C10orf90: variants seen among roughly 807,000 people sequenced by gnomAD.
The protein encoded by C10orf90 is chromosome 10 open reading frame 90, also known as (E2-independent) E3 ubiquitin-conjugating enzyme FATS.
C10orf90 carries 56 observed loss-of-function variants against 62.5 expected under a neutral mutation model. That is an observed-to-expected ratio of 0.90 (90% CI 0.72 to 1.12). C10orf90 has a LOEUF of 1.12. Ranked by LOEUF, C10orf90 falls within the 50% of genes most tolerant of loss-of-function variation. The probability of loss-of-function intolerance (pLI) is 0.00; values close to 1 mark genes in which losing one functional copy is unlikely to be tolerated. For synonymous variants in C10orf90, 386 were observed against 340.4 expected, an observed-to-expected ratio of 1.13 and a Z score of -1.47; for missense variants, 970 against 880.4, an observed-to-expected ratio of 1.10 and a Z score of -1.29.
intron 2 of C10orf90, among the ~76,000 whole-genome samples, chr10:126,525,122 G>C (rs954672060): frequency 1.3e-5 from 2 of 152,242 alleles, no homozygotes; most frequent in African/African-American, 4.8e-5. Context: ...TACCAGACCC[G>C]TTAGTCAGGC....
At chr10:126,510,376 G>A (rs1863029729) in intron 3 of C10orf90, among the ~76,000 whole-genome samples, 1 of 152,346 alleles carries the variant, frequency 6.6e-6, no homozygotes, top group South Asian at 2.1e-4. Flanking sequence ...TCTCTAGAAA[G>A]TAATTACATC....
intron 2 of C10orf90, among the ~76,000 whole-genome samples, chr10:126,526,609 A>G (rs1253860434): frequency 6.6e-6 from 1 of 152,046 alleles, no homozygotes; most frequent in Non-Finnish European, 1.5e-5. Context: ...TACCCTTTTA[A>G]AGTGCACAAT....
At chr10:126,606,964 C>G (rs1845326188) in intron 2 of C10orf90, among the ~76,000 whole-genome samples, 1 of 152,184 alleles carries the variant, frequency 6.6e-6, no homozygotes, top group African/African-American at 2.4e-5. Flanking sequence ...TCTCTTAAAA[C>G]TGTCATTCTC....
intron 3 of C10orf90, among the ~76,000 whole-genome samples, chr10:126,509,568 T>C (rs1344471417): frequency 4.6e-5 from 7 of 152,362 alleles, no homozygotes; most frequent in South Asian, 2.1e-4. Context: ...TGCAATTCTG[T>C]TATTCATACA....
intron 2 of C10orf90, among the ~76,000 whole-genome samples, chr10:126,586,799 T>C (rs1381519932): frequency 6.6e-6 from 1 of 152,070 alleles, no homozygotes; most frequent in African/African-American, 2.4e-5. Flanking sequence ...CAAAATATGT[T>C]GCGTTATCCT....
intron 2 of C10orf90, among the ~76,000 whole-genome samples, chr10:126,637,292 G>T (rs1845970525): frequency 6.6e-6 from 1 of 152,112 alleles, no homozygotes; most frequent in African/African-American, 2.4e-5. Context: ...AAGTCCTATT[G>T]ATGTCTGCCT....
chr10:126,565,435 TATAC>T (rs1322584945), intron 2 of C10orf90, among the ~76,000 whole-genome samples: 1,117 of 12,354 alleles, frequency 0.09, 37 homozygotes, highest in Non-Finnish European at 0.21. Context: ...TTATATATAT[TATAC>T]ACACACACAC....
chr10:126,469,485 A>C (rs1043442149), intron 4 of C10orf90, among the ~76,000 whole-genome samples: 2 of 152,150 alleles, frequency 1.3e-5, no homozygotes, highest in African/African-American at 4.8e-5. Flanking sequence ...CTGGGCGGTG[A>C]CGTTTTCTCC....
intron 2 of C10orf90, among the ~76,000 whole-genome samples, chr10:126,627,127 G>A (rs1377001674): frequency 1.3e-5 from 2 of 150,742 alleles, no homozygotes; most frequent in African/African-American, 4.9e-5. Flanking sequence ...AGCCTCCCAG[G>A]TAGCTGGGAT....
rs71032506 is a variant in C10orf90 at position 126,555,680 on chromosome 10, GTAAATAAA to G, written c.314-41749_314-41742del. ...GGCAACAGAGGGAGACTCTATCTCAGTAAATAAATAAATAAATAAATAAATAAATAAAT... is the reference window on the plus strand; with the variant it reads ...GGCAACAGAGGGAGACTCTATCTCAGTAAATAAATAAATAAATAAATAAAT... On this transcript the variant is annotated intron_variant, in intron 2 of 9. Transcript: ENST00000488181. Among the ~76,000 whole-genome samples, 1,182 of 136,460 alleles carry G rather than the reference GTAAATAAA, an allele frequency of 8.7e-3. 14 individuals are homozygous for G. The highest frequency in any genetic ancestry group is 0.037 in the East Asian group (171 of 4,654). 89.5% of individuals were successfully genotyped at this position (136,460 alleles called of 152,430 possible). A position where few individuals can be genotyped will look rare whatever the true frequency, so the allele number is the denominator to read the frequency against.
chr10:126,649,071 TC>T (rs1163113188), intron 1 of C10orf90, among the ~76,000 whole-genome samples: 42 of 40,790 alleles, frequency 1.0e-3, no homozygotes, highest in East Asian at 1.9e-3. Context: ...TCTCTCTCTC[TC>T]CCCCCCCCCC....
chr10:126,504,069 T>C lies in C10orf90; in HGVS notation c.1422A>G (p.Gly474=), dbSNP rs767797626. The C allele has an allele frequency of 3.7e-6, 6 of 1,614,100 alleles. No homozygotes were observed. The highest frequency in any genetic ancestry group is 5.1e-6 in the Non-Finnish European group (6 of 1,180,026). ...PLENTELANV[G]ANQVTVRKGE... ...CTTTTCTTACAGTGACTTGGTTAGC[T>C]CCCACATTTGCCAATTCTGTGTTTT... is the stretch of plus-strand genomic sequence containing the variant. Residue 474 remains glycine, a synonymous_variant, in exon 4 of 10, where the codon GGA becomes GGG. Transcript: ENST00000488181. This position sits in a 1 kb window ranked among gnomAD's most constrained non-coding sequence, Gnocchi z 4.1.
chr10:126,606,581 C>A (rs1354996165), intron 2 of C10orf90, among the ~76,000 whole-genome samples: 1 of 152,140 alleles, frequency 6.6e-6, no homozygotes, highest in Admixed American at 6.6e-5. Flanking sequence ...AAGGTACAGG[C>A]ATTCCATCTG....
intron 2 of C10orf90, among the ~76,000 whole-genome samples, chr10:126,598,395 C>T (rs987243541): frequency 2.6e-5 from 4 of 152,080 alleles, no homozygotes; most frequent in Admixed American, 2.0e-4. Context: ...ATCCTCTTGA[C>T]ATCTTTTTTT....
intron 2 of C10orf90, among the ~76,000 whole-genome samples, chr10:126,607,762 T>C (rs1359910599): frequency 6.6e-6 from 1 of 152,220 alleles, no homozygotes; most frequent in Non-Finnish European, 1.5e-5. Flanking sequence ...CCATCCAAAG[T>C]ATTAGATCCA....
intron 2 of C10orf90, among the ~76,000 whole-genome samples, chr10:126,636,487 A>G (rs774268462): frequency 6.6e-5 from 10 of 152,234 alleles, no homozygotes; most frequent in Non-Finnish European, 1.0e-4. Flanking sequence ...AAGATATAAA[A>G]TAAGCCGTGA....
At chr10:126,664,853 G>C (rs1259949742) in intron 1 of C10orf90, among the ~76,000 whole-genome samples, 1 of 152,184 alleles carries the variant, frequency 6.6e-6, no homozygotes. Flanking sequence ...CACCTCTTTA[G>C]GACCTTGCCC....
At chr10:126,647,704 T>C (rs1210322648) in intron 1 of C10orf90, among the ~76,000 whole-genome samples, 1 of 152,246 alleles carries the variant, frequency 6.6e-6, no homozygotes, top group African/African-American at 2.4e-5. Context: ...TTAATTCTAA[T>C]AAGTGCTGAA....
intron 2 of C10orf90, among the ~76,000 whole-genome samples, chr10:126,583,965 A>G (rs1844805762): frequency 6.6e-6 from 1 of 152,052 alleles, no homozygotes; most frequent in Non-Finnish European, 1.5e-5. Flanking sequence ...AAAAAAATAC[A>G]AAAAATTAGC....
Sources: allele counts gnomAD v4.1 joint callset (sites outside exome capture counted in the v4.1 genomes callset), GRCh38; gene constraint gnomAD v4.1.1; non-coding constraint Gnocchi (gnomAD v3.1); transcripts MANE v1.5; gene names NCBI Gene and HGNC (gene_info 2026-07-23, HGNC 2026-07-21).